The following MATR3 variants were observed in gnomAD, a reference collection of about 807,000 sequenced individuals.
The protein encoded by MATR3 is matrin 3, also known as matrin-3.
A neutral mutation model predicts 85.5 loss-of-function variants in MATR3; 4 were observed. That is an observed-to-expected ratio of 0.05 (90% CI 0.02 to 0.11). MATR3 has a LOEUF of 0.11. MATR3 is among the 10% of genes least tolerant of loss of function. The probability of loss-of-function intolerance (pLI) is 1.00; values close to 1 mark genes in which losing one functional copy is unlikely to be tolerated. For synonymous variants in MATR3, 336 were observed against 343.1 expected (o/e 0.98, Z 0.23); for missense variants, 685 against 1,016.1 (o/e 0.67, Z 4.43).
chr5:139,296,227 T>C (rs1382701811), intron 1 of MATR3, among the ~76,000 whole-genome samples: 1 of 152,248 alleles, frequency 6.6e-6, no homozygotes. Flanking sequence ...GGGAATCTGC[T>C]AATTCTGTTG....
At chr5:139,296,343 A>G (rs2151927275) in intron 1 of MATR3, among the ~76,000 whole-genome samples, 1 of 152,310 alleles carries the variant, frequency 6.6e-6, no homozygotes, top group Middle Eastern at 3.4e-3. Flanking sequence ...AAATGTTGGA[A>G]AACTGCTAAT....
chr5:139,302,350 T>C (rs1478565327), intron 1 of MATR3, among the ~76,000 whole-genome samples: 1 of 152,152 alleles, frequency 6.6e-6, no homozygotes, highest in Admixed American at 6.6e-5. Context: ...GAGCATAAGA[T>C]TTGAAAGTGG....
intron 2 of MATR3, among the ~76,000 whole-genome samples, chr5:139,277,371 C>G (rs763853448): frequency 7.2e-5 from 11 of 152,034 alleles, no homozygotes; most frequent in Non-Finnish European, 1.5e-4. Context: ...ATACTAGTTT[C>G]CACAGGAGGA....
intron 3 of MATR3, among the ~76,000 whole-genome samples, chr5:139,281,584 C>G (rs1753528351): frequency 6.6e-6 from 1 of 151,700 alleles, no homozygotes; most frequent in Admixed American, 6.6e-5. Flanking sequence ...AACTCCTTAC[C>G]TCAGGTGATC....
At chr5:139,301,957 C>A (rs1226081812) in intron 1 of MATR3, among the ~76,000 whole-genome samples, 1 of 152,146 alleles carries the variant, frequency 6.6e-6, no homozygotes, top group Non-Finnish European at 1.5e-5. Flanking sequence ...ATTCATTAGC[C>A]TAAGGATCAA....
chr5:139,300,089 A>G (rs1445314337), intron 1 of MATR3: 2 of 152,050 alleles, frequency 1.3e-5, no homozygotes, highest in African/African-American at 4.8e-5. Flanking sequence ...GAAAGTTACT[A>G]CCAGTTGGCT....
intron 14 of MATR3, among the ~76,000 whole-genome samples, chr5:139,328,178 T>TAAA (rs973702803): frequency 1.4e-5 from 2 of 138,772 alleles, no homozygotes; most frequent in Non-Finnish European, 1.6e-5. Flanking sequence ...TTCCTTTTAT[T>TAAA]AAAAAAAAAA....
chr5:139,276,913 A>G (rs959585311), intron 2 of MATR3, among the ~76,000 whole-genome samples: 10 of 152,120 alleles, frequency 6.6e-5, no homozygotes, highest in African/African-American at 2.4e-4. Flanking sequence ...TAAAATATTA[A>G]AATATTGATT....
At chr5:139,322,401 A>C in intron 10 of MATR3, 62 bp from the exon 11 acceptor site, 1 of 1,424,040 alleles carries the variant, frequency 7.0e-7, no homozygotes. Context: ...CCAATTATTA[A>C]TTCACTGGAT....
At chr5:139,316,837 C>A (rs1755271091) in intron 5 of MATR3, among the ~76,000 whole-genome samples, 1 of 152,164 alleles carries the variant, frequency 6.6e-6, no homozygotes, top group South Asian at 2.1e-4. Context: ...TGAGTCACCA[C>A]ACCCGGCCCC....
At chr5:139,303,937 G>T (rs1754583221) in intron 1 of MATR3, among the ~76,000 whole-genome samples, 1 of 151,918 alleles carries the variant, frequency 6.6e-6, no homozygotes, top group Non-Finnish European at 1.5e-5. Context: ...GAATTTTCAG[G>T]GTATGTGAAA....
At chr5:139,284,937 G>A (rs1753655582) in intron 3 of MATR3, among the ~76,000 whole-genome samples, 2 of 152,096 alleles carry the variant, frequency 1.3e-5, no homozygotes, top group Non-Finnish European at 2.9e-5. Flanking sequence ...TGGGACATGT[G>A]GCGCCATAGA....
intron 5 of MATR3, 45 bp from the exon 6 acceptor site, chr5:139,317,008 C>G (rs747740017): frequency 1.7e-5 from 26 of 1,557,708 alleles, no homozygotes; most frequent in Non-Finnish European, 2.1e-5. Flanking sequence ...CTTCTTTAAG[C>G]AAGTATAGTG....
At position 139,331,365 on chromosome 5, in the gene MATR3, G is replaced by T. The variant is rs748837762; in HGVS notation, c.*1970G>T. 10 of 453,942 alleles carry T rather than the reference G, an allele frequency of 2.2e-5. No homozygotes were observed. The highest frequency in any genetic ancestry group is 1.6e-4 in the South Asian group (10 of 64,478). 28.1% of individuals were successfully genotyped at this position (453,942 alleles called of 1,614,324 possible). A position where few individuals can be genotyped will look rare whatever the true frequency, so the allele number is the denominator to read the frequency against. On this transcript the variant is annotated 3_prime_UTR_variant, in exon 15 of 15. Coordinates refer to ENST00000394805, the MANE Select transcript of MATR3 (RefSeq NM_018834.6). ...TACATAAAGCATTATGTGCACAATG[G>T]AGTTCTTCAGTGTTTCCTTTCAGTG...
intron 4 of MATR3, 157 bp downstream of exon 4, chr5:139,315,895 A>C: frequency 1.3e-6 from 1 of 765,390 alleles, no homozygotes; most frequent in East Asian, 2.7e-5. Flanking sequence ...TTTAGAATAT[A>C]TATTATGTAG....
chr5:139,317,475 A>T (rs1002329705), intron 6 of MATR3, 121 bp from the exon 7 acceptor site: 6 of 967,580 alleles, frequency 6.2e-6, no homozygotes, highest in Non-Finnish European at 9.7e-6. Context: ...CTAGAATGTT[A>T]TGAGTTGTTT....
intron 3 of MATR3, among the ~76,000 whole-genome samples, chr5:139,280,850 G>A (rs372646749): frequency 8.7e-6 from 1 of 114,758 alleles, no homozygotes. Context: ...TGGTATTCCT[G>A]TATTCAATAT....
rs878914089 is a variant in MATR3 at position 139,331,167 on chromosome 5, T to C, written c.*1772T>C. On this transcript the variant is annotated 3_prime_UTR_variant, in exon 15 of 15. Transcript: ENST00000394805. ...GTCTTTCAAATGTTCAGACCCCAGTTTATTAAAGGATACTTCAAATAGTTG... is the reference window on the plus strand; with the variant it reads ...GTCTTTCAAATGTTCAGACCCCAGTCTATTAAAGGATACTTCAAATAGTTG... 1 of 454,138 alleles carries C rather than the reference T, an allele frequency of 2.2e-6. No individual in the cohort carries two copies. The highest frequency in any genetic ancestry group is 6.9e-5 in the East Asian group (1 of 14,402). The allele number at this position is 454,138 out of a possible 1,614,324, so 28.1% of individuals were successfully genotyped here.
chr5:139,291,093 C>G (rs1490778809), upstream of MATR3, among the ~76,000 whole-genome samples: 1 of 152,166 alleles, frequency 6.6e-6, no homozygotes, highest in African/African-American at 2.4e-5. Flanking sequence ...GCACTCCAGC[C>G]TGAGCAACAG....
Sources: gnomAD v4.1 joint callset for allele counts (sites outside exome capture counted in the v4.1 genomes callset) on GRCh38, gnomAD v4.1.1 for gene constraint, MANE v1.5 for transcripts, NCBI Gene and HGNC (gene_info 2026-07-23, HGNC 2026-07-21) for gene names.